Variants in TMEM232 observed in about 807,000 individuals in gnomAD.
The protein encoded by TMEM232 is transmembrane protein 232.
Under a neutral mutation model 78.8 loss-of-function variants are expected in TMEM232, and 80 were observed. That is an observed-to-expected ratio of 1.01 (90% CI 0.85 to 1.22). The LOEUF (loss-of-function observed/expected upper bound fraction) is 1.22, where lower values mean the gene tolerates loss of function less well. Ranked by LOEUF, TMEM232 falls within the 50% of genes most tolerant of loss-of-function variation. The probability of loss-of-function intolerance (pLI) is 0.00; values close to 1 mark genes in which losing one functional copy is unlikely to be tolerated. For missense variants in TMEM232, 881 were observed against 742.2 expected (o/e 1.19, Z -2.17); for synonymous variants, 297 against 254.3 (o/e 1.17, Z -1.60).
chr5:110,718,194 C>T (rs1797215290), intron 1 of TMEM232, among the ~76,000 whole-genome samples: 1 of 151,952 alleles, frequency 6.6e-6, no homozygotes, highest in African/African-American at 2.4e-5. Flanking sequence ...GAATGCCGTG[C>T]TAGATAGACT....
At chr5:110,511,454 AG>A (rs1237380408) in intron 12 of TMEM232, among the ~76,000 whole-genome samples, 1 of 151,716 alleles carries the variant, frequency 6.6e-6, no homozygotes, top group African/African-American at 2.4e-5. Flanking sequence ...TAAAAAAAAA[AG>A]AAAAAGAAAA....
At chr5:110,493,890 T>A (rs181497035) in intron 12 of TMEM232, among the ~76,000 whole-genome samples, 4 of 152,040 alleles carry the variant, frequency 2.6e-5, no homozygotes, top group African/African-American at 7.2e-5. Context: ...CATCAACCTG[T>A]CATCTACATT....
intron 2 of TMEM232, among the ~76,000 whole-genome samples, chr5:110,408,614 C>CA (rs1264864584): frequency 6.6e-6 from 1 of 150,790 alleles, no homozygotes; most frequent in Admixed American, 6.6e-5. Flanking sequence ...AACAGAGACC[C>CA]AAAAAAACCA....
intron 12 of TMEM232, among the ~76,000 whole-genome samples, chr5:110,504,312 G>A (rs1766615714): frequency 6.6e-6 from 1 of 152,202 alleles, no homozygotes; most frequent in Admixed American, 6.5e-5. Flanking sequence ...GCAGAGGAAA[G>A]TGGTTTTCTT....
rs138247724 is a variant in TMEM232, at chr5:110,649,273, T to A, written c.126-6902A>T. 1.1e-4 allele frequency among the ~76,000 whole-genome samples: 16 copies of A among 152,208 alleles called. No individual in the cohort carries two copies. In the East Asian group the frequency reaches 2.9e-3, roughly 28 times the overall value. ...GAAGGATTTTTTTAATTGGTTTATA[T>A]GTTGATGAAGACAGCACTAGGATTT... On this transcript the variant is annotated intron_variant, in intron 2 of 13. Transcript: ENST00000455884.
At chr5:110,675,971 CTA>C (rs1337554995) in intron 1 of TMEM232, among the ~76,000 whole-genome samples, 1 of 152,178 alleles carries the variant, frequency 6.6e-6, no homozygotes, top group Non-Finnish European at 1.5e-5. Flanking sequence ...CTCTCTGCTT[CTA>C]TGAGTTTGAT....
intron 1 of TMEM232, among the ~76,000 whole-genome samples, chr5:110,669,921 A>G (rs1791133705): frequency 6.6e-6 from 1 of 151,966 alleles, no homozygotes; most frequent in African/African-American, 2.4e-5. Context: ...GCCTTTGACA[A>G]AATTCAACAA....
chr5:110,612,957 A>G (rs1295847816), intron 8 of TMEM232, among the ~76,000 whole-genome samples: 1 of 152,198 alleles, frequency 6.6e-6, no homozygotes, highest in African/African-American at 2.4e-5. Flanking sequence ...GAAGCATCAT[A>G]TAAAATTTAA....
intron 12 of TMEM232, among the ~76,000 whole-genome samples, chr5:110,497,421 C>T (rs143970083): frequency 5.6e-4 from 85 of 152,106 alleles, no homozygotes; most frequent in African/African-American, 1.5e-3. Flanking sequence ...CATAAAAGAG[C>T]ATTCAAAGTG....
chr5:110,603,164 G>A (rs1781157101), intron 10 of TMEM232, among the ~76,000 whole-genome samples: 1 of 152,034 alleles, frequency 6.6e-6, no homozygotes, highest in African/African-American at 2.4e-5. Flanking sequence ...AGGGAAGGGA[G>A]AGCATTAGGA....
chr5:110,644,123 G>A (rs1486957499), intron 2 of TMEM232, among the ~76,000 whole-genome samples: 1 of 151,908 alleles, frequency 6.6e-6, no homozygotes, highest in Admixed American at 6.6e-5. Flanking sequence ...CAAAGTCTGT[G>A]ATAATTGGGC....
At chr5:110,502,779 T>C (rs1470989663) in intron 12 of TMEM232, among the ~76,000 whole-genome samples, 1 of 152,118 alleles carries the variant, frequency 6.6e-6, no homozygotes, top group East Asian at 1.9e-4. Context: ...TACTCACTGT[T>C]CCCTCTGCCT....
intron 12 of TMEM232, among the ~76,000 whole-genome samples, chr5:110,518,545 G>C (rs1031027341): frequency 1.3e-5 from 2 of 151,900 alleles, no homozygotes; most frequent in African/African-American, 4.8e-5. Context: ...CTGCACACAA[G>C]ACTACTAAAG....
intron 10 of TMEM232, among the ~76,000 whole-genome samples, chr5:110,572,742 T>C (rs1056297711): frequency 2.6e-5 from 4 of 152,084 alleles, no homozygotes; most frequent in Admixed American, 6.6e-5. Flanking sequence ...TTAAACTCAA[T>C]TGAAGTGCTG....
At chr5:110,491,992 T>C (rs894952336) in intron 12 of TMEM232, among the ~76,000 whole-genome samples, 20 of 151,960 alleles carry the variant, frequency 1.3e-4, no homozygotes, top group African/African-American at 4.8e-4. Flanking sequence ...ATAATATTCC[T>C]ATTAACTAAA....
chr5:110,460,571 G>C (rs1307635105), intron 12 of TMEM232, among the ~76,000 whole-genome samples: 1 of 151,812 alleles, frequency 6.6e-6, no homozygotes, highest in East Asian at 1.9e-4. Context: ...TTGCCTTTAA[G>C]TATAATTTGC....
chr5:110,725,442 A>C (rs1413791649), intron 1 of TMEM232: 2 of 152,226 alleles, frequency 1.3e-5, no homozygotes, highest in Non-Finnish European at 2.9e-5. Flanking sequence ...TGGATGGACA[A>C]TGAACTTCAA....
chr5:110,557,798 A>AAAGGATTACAATT (rs1775284076), intron 11 of TMEM232, among the ~76,000 whole-genome samples: 2 of 152,162 alleles, frequency 1.3e-5, no homozygotes, highest in Non-Finnish European at 2.9e-5. Flanking sequence ...CCCCATATCT[A>AAAGGATTACAATT]GCACTGAGGA....
At chr5:110,495,133 TATAAA>T (rs1396989415) in intron 12 of TMEM232, among the ~76,000 whole-genome samples, 1 of 150,994 alleles carries the variant, frequency 6.6e-6, no homozygotes, top group Non-Finnish European at 1.5e-5. Flanking sequence ...TTAAATATTA[TATAAA>T]ATAAATAGAA....
Sources: allele counts gnomAD v4.1 joint callset (sites outside exome capture counted in the v4.1 genomes callset), GRCh38; gene constraint gnomAD v4.1.1; transcripts MANE v1.5; gene names NCBI Gene and HGNC (gene_info 2026-07-23, HGNC 2026-07-21).